The following NPIPB2 variants were observed in gnomAD, a reference collection of about 807,000 sequenced individuals.
NPIPB2 encodes nuclear pore complex-interacting protein family member B2.
Under a neutral mutation model 30.8 loss-of-function variants are expected in NPIPB2, and 27 were observed. That is an observed-to-expected ratio of 0.88 (90% CI 0.65 to 1.21). The LOEUF (loss-of-function observed/expected upper bound fraction) is 1.21. NPIPB2 is among the 50% of genes most tolerant of loss of function. The pLI is 0.00. For synonymous variants in NPIPB2, 147 were observed against 162.0 expected, an observed-to-expected ratio of 0.91 and a Z score of 0.70; for missense variants, 440 against 446.2, an observed-to-expected ratio of 0.99 and a Z score of 0.13.
intron 1 of NPIPB2, chr16:11,967,672 C>G (rs764270889): frequency 6.2e-7 from 1 of 1,614,152 alleles, no homozygotes; most frequent in Non-Finnish European, 8.5e-7. Flanking sequence ...GAAGAATGCA[C>G]CTGTGAAGAC....
intron 1 of NPIPB2, among the ~76,000 whole-genome samples, chr16:11,954,281 G>C (rs1018346621): frequency 6.6e-6 from 1 of 151,858 alleles, no homozygotes; most frequent in African/African-American, 2.4e-5. Flanking sequence ...GAGACCAGAA[G>C]TTTGAGACCA....
chr16:11,971,841 G>C (rs1436354971), intron 1 of NPIPB2, among the ~76,000 whole-genome samples: 1 of 152,002 alleles, frequency 6.6e-6, no homozygotes. Flanking sequence ...AAAGAGTTAA[G>C]TTATGGTCTA....
chr16:11,967,781 C>G, intron 1 of NPIPB2: 1 of 1,614,204 alleles, frequency 6.2e-7, no homozygotes, highest in Non-Finnish European at 8.5e-7. Context: ...AAACGAATGA[C>G]TATTGCAAGA....
At chr16:11,949,270 G>C (rs1322645369) in intron 1 of NPIPB2, among the ~76,000 whole-genome samples, 2 of 152,196 alleles carry the variant, frequency 1.3e-5, no homozygotes, top group African/African-American at 4.8e-5. Flanking sequence ...GTGCACGTCG[G>C]TGATCTCATG....
chr16:11,933,867 C>T lies in NPIPB2; in HGVS notation c.250G>A (p.Val84Ile), dbSNP rs1217056124. Residue 84 changes from valine to isoleucine, a missense_variant, in exon 3 of 8, where the codon GTA becomes ATA. Val to Ile is a conservative substitution (Grantham distance 29, BLOSUM62 3). This residue lies in a region of NPIPB2 where 252 missense variants were observed against 233.0 expected (regional missense o/e 1.08). Coordinates refer to ENST00000399147, the Ensembl canonical transcript of NPIPB2. ...TTGGACCTCCTGGCTCTCTGCTGTA[C>T]ATCTGTGGATACATCATGTCCATTT... The T allele has an allele frequency of 8.9e-6, 14 of 1,570,944 alleles. No homozygotes were observed. In the African/African-American group the frequency reaches 1.6e-4, roughly 18 times the overall value.
chr16:11,927,483 A>ATGG (rs769630260), exon 8 of NPIPB2: 2 of 1,240,016 alleles, frequency 1.6e-6, no homozygotes, highest in Non-Finnish European at 2.1e-6. Context: ...TCGGGTGGTG[A>ATGG]TTCCACCTCA....
At chr16:11,968,119 T>G in intron 1 of NPIPB2, 3 of 324,976 alleles carry the variant, frequency 9.2e-6, no homozygotes, top group Non-Finnish European at 1.7e-5. Flanking sequence ...TGTATACCAG[T>G]GTGGGGGGTG....
intron 1 of NPIPB2, among the ~76,000 whole-genome samples, chr16:11,947,336 ATT>A (rs146505655): frequency 1.1e-4 from 14 of 130,056 alleles, no homozygotes; most frequent in Non-Finnish European, 1.9e-4. Flanking sequence ...ATATATATAT[ATT>A]TATTTATTTA....
chr16:11,944,395 G>A (rs1460999444), upstream of NPIPB2, among the ~76,000 whole-genome samples: 1 of 151,714 alleles, frequency 6.6e-6, no homozygotes, highest in African/African-American at 2.4e-5. Flanking sequence ...TCAAACTCCT[G>A]ACCTCGTGTG....
chr16:11,930,945 T>TG, intron 4 of NPIPB2, among the ~76,000 whole-genome samples: 1 of 105,920 alleles, frequency 9.4e-6, no homozygotes, highest in African/African-American at 3.7e-5. Context: ...TCATCACAAC[T>TG]AACTCCATCG....
intron 1 of NPIPB2, among the ~76,000 whole-genome samples, chr16:11,960,552 T>A (rs1359488630): frequency 2.6e-5 from 4 of 152,006 alleles, no homozygotes; most frequent in Non-Finnish European, 2.9e-5. Flanking sequence ...GAGACGGGGT[T>A]TCACCATGTT....
At chr16:11,960,069 CCA>C (rs2055142560) in intron 1 of NPIPB2, among the ~76,000 whole-genome samples, 1 of 152,180 alleles carries the variant, frequency 6.6e-6, no homozygotes, top group Non-Finnish European at 1.5e-5. Context: ...GCCACCGTGC[CCA>C]GTCTGTACTT....
upstream of NPIPB2, among the ~76,000 whole-genome samples, chr16:11,947,010 C>A (rs1186003918): frequency 1.4e-5 from 2 of 145,846 alleles, no homozygotes; most frequent in African/African-American, 5.0e-5. Context: ...GTGTGACCCA[C>A]CTTGACCAGC....
upstream of NPIPB2, among the ~76,000 whole-genome samples, chr16:11,946,264 A>T (rs576383158): frequency 1.3e-5 from 2 of 151,844 alleles, no homozygotes; most frequent in East Asian, 3.9e-4. Flanking sequence ...ACATGCCTAT[A>T]ATCCCAGCTA....
chr16:11,975,439 G>C (rs375771812), intron 1 of NPIPB2, among the ~76,000 whole-genome samples: 2 of 151,816 alleles, frequency 1.3e-5, no homozygotes, highest in African/African-American at 4.8e-5. Context: ...GAGCCACCGC[G>C]CCCGGCCAAT....
chr16:11,947,491 C>T (rs1441365467), intron 1 of NPIPB2, among the ~76,000 whole-genome samples: 2 of 151,594 alleles, frequency 1.3e-5, no homozygotes, highest in Non-Finnish European at 2.9e-5. Flanking sequence ...ACTACAGGCG[C>T]ACGATGCCAC....
intron 1 of NPIPB2, among the ~76,000 whole-genome samples, chr16:11,962,229 G>A (rs940360373): frequency 3.4e-5 from 5 of 147,774 alleles, no homozygotes; most frequent in African/African-American, 5.0e-5. Flanking sequence ...GGCTGGGTGC[G>A]GTGGCTTGCA....
chr16:11,951,280 C>A (rs1287822913), intron 1 of NPIPB2, among the ~76,000 whole-genome samples: 1 of 150,800 alleles, frequency 6.6e-6, no homozygotes, highest in Admixed American at 6.6e-5. Flanking sequence ...CACGGTGAAA[C>A]CCCGTCTCTA....
At chr16:11,958,387 C>A (rs191638516) in intron 1 of NPIPB2, among the ~76,000 whole-genome samples, 3 of 151,208 alleles carry the variant, frequency 2.0e-5, no homozygotes, top group Non-Finnish European at 4.4e-5. Flanking sequence ...CAGATCACGC[C>A]ACTACAGTCC....
Sources: gnomAD v4.1 joint callset for allele counts (sites outside exome capture counted in the v4.1 genomes callset) on GRCh38, gnomAD v4.1.1 for gene constraint, gnomAD v4.1.1 regional missense constraint, MANE v1.5 for transcripts, NCBI Gene and HGNC (gene_info 2026-07-23, HGNC 2026-07-21) for gene names.